Variants in CHST9 observed in about 807,000 individuals in gnomAD.
The protein encoded by CHST9 is GalNAc-4-sulfotransferase 2.
A neutral mutation model predicts 44.4 loss-of-function variants in CHST9; 41 were observed. The observed-to-expected ratio is 0.92, with a 90% CI of 0.72 to 1.20. CHST9 has a LOEUF of 1.20. CHST9 is among the 50% of genes most tolerant of loss of function. CHST9 has a pLI of 0.00. For missense variants in CHST9, 504 were observed against 516.5 expected, an observed-to-expected ratio of 0.98 and a Z score of 0.23; for synonymous variants, 171 against 178.4, an observed-to-expected ratio of 0.96 and a Z score of 0.33.
chr18:27,174,294 T>C (rs1393508501), intron 1 of CHST9, among the ~76,000 whole-genome samples: 1 of 151,980 alleles, frequency 6.6e-6, no homozygotes, highest in East Asian at 1.9e-4. Flanking sequence ...TTTTGAAGTG[T>C]CCAGGTTAGT....
chr18:26,941,235 A>G (rs548747257), intron 5 of CHST9, among the ~76,000 whole-genome samples: 9 of 152,278 alleles, frequency 5.9e-5, no homozygotes, highest in Admixed American at 1.3e-4. Flanking sequence ...GCACCTGTCT[A>G]TGAATGTTCT....
chr18:27,035,289 C>T, intron 3 of CHST9, among the ~76,000 whole-genome samples: 1 of 152,034 alleles, frequency 6.6e-6, no homozygotes, highest in Non-Finnish European at 1.5e-5. Flanking sequence ...ACCTATTGGC[C>T]ATTTGTATGC....
At chr18:27,114,313 G>T (rs1436828137) in intron 2 of CHST9, among the ~76,000 whole-genome samples, 3 of 152,126 alleles carry the variant, frequency 2.0e-5, no homozygotes, top group Non-Finnish European at 4.4e-5. Context: ...AGACGAGATG[G>T]TTGTCTGTCC....
In CHST9 at chr18:27,036,115, G is replaced by A. The variant is rs1217144187; in HGVS notation, c.161-11958C>T. Among the ~76,000 whole-genome samples, 5 of 152,106 alleles carry A rather than the reference G, an allele frequency of 3.3e-5. No homozygotes were observed. In the South Asian group the frequency reaches 8.3e-4, roughly 25 times the overall value. ...AAAAGTACACACCCTTTTTCCGAGT[G>A]TAACAGTACGTATGATATTATGAAT... On this transcript the variant is annotated intron_variant, in intron 3 of 5. Transcript: ENST00000618847.
rs577556638 is a variant in CHST9 at position 27,040,330 on chromosome 18, C to T, written c.160+8135G>A. 3.9e-5 allele frequency among the ~76,000 whole-genome samples: 6 copies of T among 152,200 alleles called. No individual in the cohort carries two copies. The South Asian group carries it at 1.0e-3, about 26-fold the overall frequency. ...AAATGGAAGCCAAGATACTGGATCA[C>T]GTCTAAGAAAATTTAAATATGCTAG... On this transcript the variant is annotated intron_variant, in intron 3 of 5. Coordinates refer to ENST00000618847, the MANE Select transcript of CHST9 (RefSeq NM_031422.6).
rs189279059 is a variant in CHST9, at chr18:26,970,841, C to A, written c.203-26475G>T. On this transcript the variant is annotated intron_variant, in intron 4 of 5. Transcript: ENST00000618847. ...GCACATAGACATCCATCACTGCAAT[C>A]AAAGAAATCTGGCCTCTACCCATGG... Among the ~76,000 whole-genome samples, 7 of 152,320 alleles carry A rather than the reference C, an allele frequency of 4.6e-5. No individual in the cohort carries two copies. In the East Asian group the frequency reaches 1.4e-3, roughly 29 times the overall value.
chr18:27,053,633 C>T (rs2057615564), intron 2 of CHST9, among the ~76,000 whole-genome samples: 1 of 152,104 alleles, frequency 6.6e-6, no homozygotes, highest in South Asian at 2.1e-4. Flanking sequence ...CCAATCACTC[C>T]TAAACAGCAA....
rs1330526774 is a variant in CHST9 at position 26,909,033 on chromosome 18, T to A, written c.*7226A>T. ...CTTTTATATTTCAAACAGAGGAAAG[T>A]TTCCATTTCCCCATTTCATTCTGAA... On this transcript the variant is annotated 3_prime_UTR_variant, in exon 6 of 6. Transcript: ENST00000618847. 1 of 152,222 alleles carries A rather than the reference T, an allele frequency of 6.6e-6. No individual in the cohort carries two copies. Among genetic ancestry groups the A allele is most frequent in the Non-Finnish European group, 1.5e-5 (1 of 68,044 alleles). 9.4% of individuals were successfully genotyped at this position (152,222 alleles called of 1,614,324 possible). A position where few individuals can be genotyped will look rare whatever the true frequency, so the allele number is the denominator to read the frequency against.
rs1222225670 is a variant in CHST9 at position 27,053,256 on chromosome 18, AAGAAGGAGAAGGAGAAGG to A, written c.122-4771_122-4754del. ...GAAGAAGAAGAAGAAGAAGAAGAAG[AAGAAGGAGAAGGAGAAGG>A]AGAAGGAGAAGGAGAAGGAGAAGGA... On this transcript the variant is annotated intron_variant, in intron 2 of 5. Transcript: ENST00000618847. 3.6e-3 allele frequency among the ~76,000 whole-genome samples: 286 copies of A among 80,434 alleles called. 7 individuals are homozygous for A. The highest frequency in any genetic ancestry group is 9.1e-3 in the East Asian group (27 of 2,958). 52.8% of individuals were successfully genotyped at this position (80,434 alleles called of 152,430 possible). A position where few individuals can be genotyped will look rare whatever the true frequency, so the allele number is the denominator to read the frequency against.
At chr18:27,036,050 T>C (rs751699221) in intron 3 of CHST9, among the ~76,000 whole-genome samples, 1 of 152,090 alleles carries the variant, frequency 6.6e-6, no homozygotes, top group Non-Finnish European at 1.5e-5. Context: ...TAAAAATATA[T>C]AAAATGCTAT....
intron 1 of CHST9, among the ~76,000 whole-genome samples, chr18:27,145,812 A>G (rs1346032415): frequency 6.6e-6 from 1 of 152,206 alleles, no homozygotes. Flanking sequence ...CCCGAGGGAG[A>G]CTTGCAATTT....
intron 2 of CHST9, among the ~76,000 whole-genome samples, chr18:27,131,239 C>G (rs1204802486): frequency 6.6e-6 from 1 of 152,152 alleles, no homozygotes; most frequent in Non-Finnish European, 1.5e-5. Flanking sequence ...CCCAGGGACC[C>G]CAGAGAAACC....
chr18:26,943,808 T>A (rs960325082), intron 5 of CHST9, among the ~76,000 whole-genome samples: 1 of 152,114 alleles, frequency 6.6e-6, no homozygotes, highest in African/African-American at 2.4e-5. Context: ...GAAGATGGGA[T>A]AAGAAAACCA....
intron 4 of CHST9, among the ~76,000 whole-genome samples, chr18:26,957,690 G>C (rs6508461): frequency 0.13 from 19,405 of 151,958 alleles, 2,785 homozygotes; most frequent in African/African-American, 0.36. Context: ...TTCTGGAGTT[G>C]TAGTTACCTA....
At chr18:26,921,681 C>G (rs953068859) in intron 5 of CHST9, among the ~76,000 whole-genome samples, 2 of 152,102 alleles carry the variant, frequency 1.3e-5, no homozygotes, top group East Asian at 1.9e-4. Context: ...CCATCATCAT[C>G]ATCATCATCA....
intron 2 of CHST9, among the ~76,000 whole-genome samples, chr18:27,134,560 C>T (rs147961563): frequency 6.6e-6 from 1 of 152,264 alleles, no homozygotes; most frequent in Non-Finnish European, 1.5e-5. Context: ...AATAGAACCT[C>T]GACCTACCAA....
chr18:26,995,259 T>TA (rs56839431), intron 4 of CHST9, among the ~76,000 whole-genome samples: 35,721 of 109,918 alleles, frequency 0.32, 5,673 homozygotes, highest in East Asian at 0.53. Flanking sequence ...CCATCTCTAC[T>TA]AAAAAAAAAA....
intron 4 of CHST9, among the ~76,000 whole-genome samples, chr18:27,020,723 GC>G (rs2057215392): frequency 6.6e-6 from 1 of 152,126 alleles, no homozygotes; most frequent in South Asian, 2.1e-4. Context: ...GCAAGATATA[GC>G]CTATATTTCC....
Position 27,142,748 on chromosome 18 carries a change from C to A in CHST9, c.62G>T (p.Gly21Val). 1 of 1,612,316 alleles carries A rather than the reference C, an allele frequency of 6.2e-7. No homozygotes were observed. Among genetic ancestry groups the A allele is most frequent in the South Asian group, 1.1e-5 (1 of 90,648 alleles). The change falls in exon 2 of 6, where the codon GGA (glycine) becomes GTA (valine). Residue 21 changes from glycine to valine, a missense_variant. Coordinates refer to ENST00000618847, the MANE Select transcript of CHST9 (RefSeq NM_031422.6). ...KQVFLSVLIF[G>V]VAGLLLFMYL... ...CATGAAGAGGAGTAGCCCAGCTACT[C>A]CAAATATCAGCACAGAGAGGAAGAC...
Sources: allele counts gnomAD v4.1 joint callset (sites outside exome capture counted in the v4.1 genomes callset), GRCh38; gene constraint gnomAD v4.1.1; transcripts MANE v1.5; gene names NCBI Gene and HGNC (gene_info 2026-07-23, HGNC 2026-07-21).